The following IL19 variants were observed in gnomAD, a reference collection of about 807,000 sequenced individuals.
IL19 encodes the protein interleukin 19, also known as interleukin-19.
IL19 carries 15 observed loss-of-function variants against 19.5 expected under a neutral mutation model. That is an observed-to-expected ratio of 0.77 (90% CI 0.52 to 1.19). The LOEUF (loss-of-function observed/expected upper bound fraction) is 1.19, where lower values mean the gene tolerates loss of function less well. IL19 is among the 50% of genes most tolerant of loss of function. The pLI is 0.00. For missense variants in IL19, 199 were observed against 213.1 expected (o/e 0.93, Z 0.41); for synonymous variants, 78 against 78.3 (o/e 1.00, Z 0.02).
chr1:206,824,414 A>G lies in IL19; in HGVS notation c.-2-12247A>G, dbSNP rs1676376884. ...GATGGACAGATGCTGTTTGTGAATG[A>G]GAAGAGTATTGGTGGAATAGAGGAA... is the stretch of plus-strand genomic sequence containing the variant. On this transcript the variant is annotated intron_variant, in intron 2 of 6. Transcript: ENST00000659997. Among the ~76,000 whole-genome samples, 6 of 152,234 alleles carry G rather than the reference A, an allele frequency of 3.9e-5. 1 individual carries two copies. In the South Asian group the frequency reaches 1.2e-3, roughly 32 times the overall value.
intron 1 of IL19, among the ~76,000 whole-genome samples, chr1:206,776,889 T>C (rs1219665918): frequency 7.6e-6 from 1 of 131,512 alleles, no homozygotes; most frequent in Non-Finnish European, 1.6e-5. Flanking sequence ...CTGTTTTCAC[T>C]GTATTAAATC....
At chr1:206,818,909 T>C (rs1366986574) in intron 2 of IL19, among the ~76,000 whole-genome samples, 2 of 150,866 alleles carry the variant, frequency 1.3e-5, no homozygotes, top group African/African-American at 2.4e-5. Context: ...GCCTCCCAGG[T>C]TCAAGCGATT....
intron 1 of IL19, among the ~76,000 whole-genome samples, chr1:206,780,439 G>A (rs1256672207): frequency 1.3e-5 from 2 of 152,218 alleles, no homozygotes; most frequent in Non-Finnish European, 2.9e-5. Flanking sequence ...CTCTTATAAA[G>A]TAGAAGTAGA....
intron 2 of IL19, among the ~76,000 whole-genome samples, chr1:206,825,664 G>C (rs1185182887): frequency 6.6e-6 from 1 of 152,196 alleles, no homozygotes; most frequent in East Asian, 1.9e-4. Flanking sequence ...GGGCACAGAA[G>C]AATAATGTTT....
At chr1:206,788,660 C>A (rs1675320407) in intron 1 of IL19, among the ~76,000 whole-genome samples, 1 of 152,158 alleles carries the variant, frequency 6.6e-6, no homozygotes, top group Admixed American at 6.5e-5. Context: ...TCCCTCATTG[C>A]CCCTCACTGC....
chr1:206,806,706 A>G (rs1675855166), intron 2 of IL19, among the ~76,000 whole-genome samples: 2 of 152,198 alleles, frequency 1.3e-5, no homozygotes, highest in South Asian at 2.1e-4. Flanking sequence ...CCTCTGAAAT[A>G]TATTACGATT....
intron 1 of IL19, among the ~76,000 whole-genome samples, chr1:206,771,600 GTCC>G (rs958782438): frequency 1.3e-5 from 2 of 152,094 alleles, no homozygotes; most frequent in African/African-American, 4.8e-5. Context: ...CTTAAATCAG[GTCC>G]TCCTCCTCAG....
chr1:206,807,725 G>T (rs2102465178), intron 2 of IL19, among the ~76,000 whole-genome samples: 1 of 152,206 alleles, frequency 6.6e-6, no homozygotes, highest in East Asian at 1.9e-4. Context: ...ACAAAAGCAG[G>T]GACCATGTTT....
intron 1 of IL19, among the ~76,000 whole-genome samples, chr1:206,771,723 C>T (rs1183363476): frequency 6.6e-6 from 1 of 152,226 alleles, no homozygotes; most frequent in African/African-American, 2.4e-5. Context: ...ACACCTATGT[C>T]AACCCTTCGG....
chr1:206,795,926 T>TAG (rs1357067732), intron 1 of IL19, among the ~76,000 whole-genome samples: 1 of 104,632 alleles, frequency 9.6e-6, no homozygotes, highest in Admixed American at 9.0e-5. Context: ...TAAATATATA[T>TAG]ATGTGTGTGT....
chr1:206,791,853 A>G (rs1675413320), intron 1 of IL19, among the ~76,000 whole-genome samples: 1 of 152,220 alleles, frequency 6.6e-6, no homozygotes, highest in South Asian at 2.1e-4. Flanking sequence ...ACCATCCCAG[A>G]AAAAGACTTG....
At chr1:206,830,725 CT>C (rs1676576605) in intron 2 of IL19, among the ~76,000 whole-genome samples, 1 of 152,118 alleles carries the variant, frequency 6.6e-6, no homozygotes, top group South Asian at 2.1e-4. Flanking sequence ...ATTACAGGTA[CT>C]GCCACCACGC....
At chr1:206,771,464 T>A (rs1047694075) in intron 1 of IL19, 3 of 1,451,354 alleles carry the variant, frequency 2.1e-6, no homozygotes, top group Non-Finnish European at 2.9e-6. Context: ...GGGAAATAAC[T>A]GAAATGCGGT....
At chr1:206,813,953 T>G (rs1352981505) in intron 2 of IL19, among the ~76,000 whole-genome samples, 1 of 152,172 alleles carries the variant, frequency 6.6e-6, no homozygotes, top group Non-Finnish European at 1.5e-5. Flanking sequence ...GCGTGACAGT[T>G]TCCAGCCTGC....
intron 2 of IL19, 96 bp from the exon 3 acceptor site, chr1:206,836,565 T>C (rs2243170): frequency 0.89 from 1,040,046 of 1,163,056 alleles, 467,122 homozygotes; most frequent in South Asian, 0.92. Context: ...TCCTCCCGGC[T>C]TGCCTTCGAG....
chr1:206,815,486 C>G (rs923161486), intron 2 of IL19, among the ~76,000 whole-genome samples: 4 of 152,162 alleles, frequency 2.6e-5, no homozygotes, highest in Non-Finnish European at 4.4e-5. Context: ...GTATGTAGTT[C>G]TCTTTGGATT....
intron 2 of IL19, among the ~76,000 whole-genome samples, chr1:206,833,022 C>T (rs1558621749): frequency 6.6e-6 from 1 of 152,206 alleles, no homozygotes; most frequent in Non-Finnish European, 1.5e-5. Flanking sequence ...CTCATAATTG[C>T]ACCTCATCCC....
intron 2 of IL19, among the ~76,000 whole-genome samples, chr1:206,807,677 G>T (rs1280714838): frequency 6.6e-6 from 1 of 152,008 alleles, no homozygotes; most frequent in East Asian, 1.9e-4. Flanking sequence ...TATGTGTTTA[G>T]TTGTGTTACA....
Position 206,834,806 on chromosome 1 carries a change from G to A in IL19, c.-2-1855G>A, listed in dbSNP as rs79152272. ...CTGTCTGGTGTCAGGGGAGCTACTG[G>A]GATCCCAGGCTATGATGTCAGAGGG... On this transcript the variant is annotated intron_variant, in intron 2 of 6. Transcript: ENST00000659997. Among the ~76,000 whole-genome samples, 619 of 152,254 alleles carry A rather than the reference G, an allele frequency of 4.1e-3. 4 individuals are homozygous for A. The highest frequency in any genetic ancestry group is 0.014 in the African/African-American group (590 of 41,544).
Sources: gnomAD v4.1 joint callset for allele counts (sites outside exome capture counted in the v4.1 genomes callset) on GRCh38, gnomAD v4.1.1 for gene constraint, MANE v1.5 for transcripts, NCBI Gene and HGNC (gene_info 2026-07-23, HGNC 2026-07-21) for gene names.